Variants in TPO observed in about 807,000 individuals in gnomAD.
The protein encoded by TPO is thyroid peroxidase, also known as thyroid microsomal antigen.
Under a neutral mutation model 96.9 loss-of-function variants are expected in TPO, and 78 were observed. That is an observed-to-expected ratio of 0.81 (90% CI 0.67 to 0.97). The LOEUF (loss-of-function observed/expected upper bound fraction) is 0.97. TPO is among the 50% of genes least tolerant of loss of function. The pLI is 0.00. For missense variants in TPO, 1,252 were observed against 1,274.8 expected (o/e 0.98, Z 0.27); for synonymous variants, 547 against 538.0 (o/e 1.02, Z -0.23).
chr2:1,491,157 G>A (rs988629419), intron 10 of TPO, among the ~76,000 whole-genome samples: 4 of 151,706 alleles, frequency 2.6e-5, no homozygotes, highest in Non-Finnish European at 4.4e-5. Context: ...GTGACAGAGC[G>A]AGACTCAGTC....
At position 1,540,637 on chromosome 2, in the gene TPO, G is replaced by A. The variant is rs763844446; in HGVS notation, c.2662G>A (p.Gly888Ser). ...TKSTLPISETGGGTPELRCGK... is the reference protein window; with the variant it reads ...TKSTLPISETSGGTPELRCGK... ...ATCCACACTGCCCATCTCGGAGACA[G>A]GCGGAGGAACTCCCGAGCTGAGATG... Residue 888 changes from glycine to serine, a missense_variant, in exon 16 of 17, where the codon GGC becomes AGC. Transcript: ENST00000329066. The A allele has an allele frequency of 1.2e-6, 2 of 1,613,610 alleles. No individual in the cohort carries two copies. The highest frequency in any genetic ancestry group is 2.2e-5 in the South Asian group (2 of 91,078).
chr2:1,499,227 G>A (rs537219768), intron 13 of TPO, among the ~76,000 whole-genome samples: 3 of 151,580 alleles, frequency 2.0e-5, no homozygotes, highest in African/African-American at 7.3e-5. Flanking sequence ...CTGACCTTCC[G>A]CCTGCCCTCT....
chr2:1,447,715 G>A (rs989977906), intron 5 of TPO, among the ~76,000 whole-genome samples: 1 of 152,130 alleles, frequency 6.6e-6, no homozygotes, highest in Non-Finnish European at 1.5e-5. Flanking sequence ...ATATAGAGGG[G>A]TGTGTGTGTA....
intron 5 of TPO, among the ~76,000 whole-genome samples, chr2:1,448,771 G>A (rs1237939302): frequency 6.6e-6 from 1 of 152,218 alleles, no homozygotes; most frequent in Admixed American, 6.5e-5. Flanking sequence ...TCACGGTGCA[G>A]GAATAACATC....
intron 9 of TPO, among the ~76,000 whole-genome samples, chr2:1,485,283 A>G (rs1671049758): frequency 6.6e-6 from 1 of 151,952 alleles, no homozygotes; most frequent in Admixed American, 6.6e-5. Context: ...TATGTGCCAC[A>G]TTTTCTTAAT....
intron 14 of TPO, among the ~76,000 whole-genome samples, chr2:1,505,266 C>A (rs147814327): frequency 4.6e-5 from 7 of 151,412 alleles, no homozygotes; most frequent in African/African-American, 1.7e-4. Flanking sequence ...AGGCGCACCC[C>A]CTCCTGTGTC....
At chr2:1,525,024 T>TC (rs143038971) in intron 15 of TPO, among the ~76,000 whole-genome samples, 18,177 of 48,420 alleles carry the variant, frequency 0.38, 3,772 homozygotes, top group South Asian at 0.41. Context: ...CCTCGCCAAA[T>TC]CCCCCAACTC....
intron 7 of TPO, among the ~76,000 whole-genome samples, chr2:1,459,885 C>G (rs1460101626): frequency 6.6e-6 from 1 of 152,048 alleles, no homozygotes; most frequent in Non-Finnish European, 1.5e-5. Flanking sequence ...GCCCCCTCAC[C>G]AGGGCGGCCC....
At chr2:1,509,320 C>G (rs962281030) in intron 14 of TPO, among the ~76,000 whole-genome samples, 5 of 152,058 alleles carry the variant, frequency 3.3e-5, no homozygotes, top group African/African-American at 4.8e-5. Flanking sequence ...TCAGGCACAC[C>G]CGCCCTCTTC....
At position 1,477,443 on chromosome 2, in the gene TPO, G is replaced by A. The variant is rs890761088; in HGVS notation, c.1177G>A (p.Gly393Arg). 3.3e-6 allele frequency: 5 copies of A among 1,523,358 alleles called. No individual in the cohort carries two copies. Among genetic ancestry groups the A allele is most frequent in the African/African-American group, 2.8e-5 (2 of 70,698 alleles). 94.4% of individuals were successfully genotyped at this position (1,523,358 alleles called of 1,614,324 possible). ...GETRGPCFLA[G>R]DGRASEVPSL... ...GACCCGCGGGCCCTGCTTCCTGGCCGGAGACGGCCGCGCCAGCGAGGTCCC... is the reference window on the plus strand; with the variant it reads ...GACCCGCGGGCCCTGCTTCCTGGCCAGAGACGGCCGCGCCAGCGAGGTCCC... Residue 393 changes from glycine to arginine, a missense_variant, in exon 8 of 17, where the codon GGA becomes AGA. By Grantham distance (125) the Gly-to-Arg change is moderately radical. Coordinates refer to ENST00000329066, the MANE Select transcript of TPO (RefSeq NM_001206744.2).
rs775314940 is a variant in TPO, at chr2:1,428,594, A to G, written c.180-4844A>G. Among the ~76,000 whole-genome samples the G allele has an allele frequency of 1.2e-4, 19 of 152,244 alleles. No homozygotes were observed. The East Asian group carries it at 2.9e-3, about 23-fold the overall frequency. On this transcript the variant is annotated intron_variant, in intron 3 of 16. Transcript: ENST00000329066. ...TTTTGGGCCCAGATTGTGTTGTCCC[A>G]TGGGTGCCAGGCAAAAGAAGGGATG...
In TPO at chr2:1,426,041, C is replaced by T. The variant is rs368241464; in HGVS notation, c.179+2912C>T. The stretch of plus-strand genomic sequence containing the variant: ...CGATCATTTCATATTCTCAGAAGTC[C>T]GTGCTCCTTCCATAAAGTCATTTTT... On this transcript the variant is annotated intron_variant, in intron 3 of 16. Coordinates refer to ENST00000329066, the MANE Select transcript of TPO (RefSeq NM_001206744.2). Among the ~76,000 whole-genome samples the T allele has an allele frequency of 2.7e-4, 35 of 128,970 alleles. 1 individual carries two copies. The highest frequency in any genetic ancestry group is 1.1e-3 in the East Asian group (4 of 3,800). The allele number at this position is 128,970 out of a possible 152,430, so 84.6% of individuals were successfully genotyped here.
At chr2:1,488,635 G>C (rs976623185) in intron 10 of TPO, among the ~76,000 whole-genome samples, 1 of 152,160 alleles carries the variant, frequency 6.6e-6, no homozygotes, top group African/African-American at 2.4e-5. Flanking sequence ...TGCAGCACCT[G>C]TCTAGGCCCG....
intron 2 of TPO, among the ~76,000 whole-genome samples, chr2:1,422,388 C>CGCGCTGGACCGACCTCGTGCAGGCGCT (rs1663820925): frequency 6.6e-6 from 1 of 152,032 alleles, no homozygotes; most frequent in African/African-American, 2.4e-5. Flanking sequence ...GTGCAGGCGC[C>CGCGCTGGACCGACCTCGTGCAGGCGCT]GCGCTGGGCC....
chr2:1,488,244 C>T (rs945299828), intron 10 of TPO, among the ~76,000 whole-genome samples: 2 of 152,114 alleles, frequency 1.3e-5, no homozygotes, highest in Non-Finnish European at 2.9e-5. Flanking sequence ...TGAGAAACAG[C>T]CGCTTCTAGT....
chr2:1,478,113 G>T (rs1670159583), intron 8 of TPO: 2 of 985,456 alleles, frequency 2.0e-6, no homozygotes, highest in Non-Finnish European at 2.4e-6. Flanking sequence ...CTCTGTGTGA[G>T]GATTCTGAAC....
intron 13 of TPO, among the ~76,000 whole-genome samples, chr2:1,500,617 G>A (rs1672778719): frequency 6.6e-6 from 1 of 152,140 alleles, no homozygotes; most frequent in Admixed American, 6.6e-5. Flanking sequence ...AATAGTATTC[G>A]CTGCTCTCTT....
intron 6 of TPO, among the ~76,000 whole-genome samples, chr2:1,454,925 G>A (rs753166505): frequency 1.3e-5 from 2 of 152,238 alleles, no homozygotes; most frequent in Non-Finnish European, 2.9e-5. Flanking sequence ...CAACATAAAT[G>A]TGATCTTCCA....
chr2:1,434,548 A>G (rs907817605), intron 4 of TPO, among the ~76,000 whole-genome samples: 39 of 152,200 alleles, frequency 2.6e-4, no homozygotes, highest in African/African-American at 8.7e-4. Context: ...CTGTCCTGTT[A>G]CGGGACACTG....
Sources: allele counts gnomAD v4.1 joint callset (sites outside exome capture counted in the v4.1 genomes callset), GRCh38; gene constraint gnomAD v4.1.1; transcripts MANE v1.5; gene names NCBI Gene and HGNC (gene_info 2026-07-23, HGNC 2026-07-21).